Variants in SDCCAG8 observed in about 807,000 individuals in gnomAD.
The protein encoded by SDCCAG8 is serologically defined colon cancer antigen 8.
A neutral mutation model predicts 101.8 loss-of-function variants in SDCCAG8; 74 were observed. That is an observed-to-expected ratio of 0.73 (90% CI 0.60 to 0.88). SDCCAG8 has a LOEUF of 0.88. SDCCAG8 is among the 40% of genes least tolerant of loss of function. SDCCAG8 has a pLI of 0.00. For synonymous variants in SDCCAG8, 281 were observed against 292.9 expected, an observed-to-expected ratio of 0.96 and a Z score of 0.41; for missense variants, 787 against 822.6, an observed-to-expected ratio of 0.96 and a Z score of 0.53.
At chr1:243,324,884 C>G (rs10158537) in intron 9 of SDCCAG8, among the ~76,000 whole-genome samples, 41,996 of 152,070 alleles carry the variant, frequency 0.28, 5,940 homozygotes, top group South Asian at 0.47. Flanking sequence ...CAGAACATGA[C>G]CTGCAGTTGG....
At chr1:243,370,586 G>T (rs1247331969) in intron 12 of SDCCAG8, among the ~76,000 whole-genome samples, 1 of 152,034 alleles carries the variant, frequency 6.6e-6, no homozygotes, top group Non-Finnish European at 1.5e-5. Context: ...CCGTATTGTC[G>T]CAATGTAATA....
Position 243,312,722 on chromosome 1 carries a change from A to T in SDCCAG8, c.930-4033A>T, listed in dbSNP as rs529634059. Among the ~76,000 whole-genome samples the T allele has an allele frequency of 6.8e-4, 103 of 150,920 alleles. 2 individuals carry two copies. The East Asian group carries it at 0.016, about 23-fold the overall frequency. The stretch of plus-strand genomic sequence containing the variant: ...ACCTGTCTCCAAAAAAAAAAAAAAA[A>T]AAATAATGGCTTGTACAGTTGACAA... On this transcript the variant is annotated intron_variant, in intron 8 of 17. Transcript: ENST00000366541.
chr1:243,489,511 C>G (rs999586812), intron 17 of SDCCAG8, among the ~76,000 whole-genome samples: 5 of 152,082 alleles, frequency 3.3e-5, no homozygotes, highest in Non-Finnish European at 7.3e-5. Flanking sequence ...CTCTGAAGGT[C>G]GTGTATGGTT....
At chr1:243,263,173 T>C (rs2067319237) in intron 1 of SDCCAG8, among the ~76,000 whole-genome samples, 1 of 152,256 alleles carries the variant, frequency 6.6e-6, no homozygotes, top group Admixed American at 6.5e-5. Context: ...CTGAAAACTC[T>C]TGTTTTATTG....
Position 243,489,041 on chromosome 1 carries a change from G to A in SDCCAG8, c.2013G>A (p.Gln671=), listed in dbSNP as rs1665723637. Residue 671 remains glutamine (Q), a synonymous_variant, in exon 17 of 18, where the codon CAG becomes CAA. Transcript: ENST00000366541. ...TAAGGCAGCTGGATAAGCACAGCCA[G>A]GCCACAGCCCAGCAGCTGGTGCAGC... The part of the protein sequence containing the change: ...QRLRQLDKHS[Q]ATAQQLVQLL... 6.2e-7 allele frequency: 1 copy of A among 1,613,462 alleles called. No individual in the cohort carries two copies. The highest frequency in any genetic ancestry group is 8.5e-7 in the Non-Finnish European group (1 of 1,180,034).
intron 5 of SDCCAG8, among the ~76,000 whole-genome samples, chr1:243,292,585 T>C (rs2070382052): frequency 6.6e-6 from 1 of 152,158 alleles, no homozygotes; most frequent in Non-Finnish European, 1.5e-5. Flanking sequence ...CCTCAGCTAC[T>C]CTATGTGACT....
At chr1:243,353,522 A>AAAAAAAAAAAAAAAAC (rs1351197301) in intron 12 of SDCCAG8, among the ~76,000 whole-genome samples, 1 of 142,164 alleles carries the variant, frequency 7.0e-6, no homozygotes, top group Non-Finnish European at 1.5e-5. Context: ...AAAAAAAAAA[A>AAAAAAAAAAAAAAAAC]AGAATGTTGC....
In SDCCAG8 at chr1:243,416,246, T is replaced by C. The variant is rs1034536259; in HGVS notation, c.1744+417T>C. On this transcript the variant is annotated intron_variant, in intron 14 of 17. Transcript: ENST00000366541. This position sits in a 1 kb window ranked among gnomAD's most constrained non-coding sequence, Gnocchi z 4.3. Reference sequence around the variant, plus strand: ...ACAGTTAGAGTCTCCTGAATAGCATTGAACAGTTCCCACAGTACACACATT... The same window carrying C: ...ACAGTTAGAGTCTCCTGAATAGCATCGAACAGTTCCCACAGTACACACATT... 1.3e-5 allele frequency among the ~76,000 whole-genome samples: 2 copies of C among 152,184 alleles called. No homozygotes were observed. The highest frequency in any genetic ancestry group is 4.8e-5 in the African/African-American group (2 of 41,458).
chr1:243,289,400 C>A (rs779474544), intron 5 of SDCCAG8, among the ~76,000 whole-genome samples: 2 of 152,190 alleles, frequency 1.3e-5, no homozygotes, highest in Non-Finnish European at 2.9e-5. Context: ...AAATGTTAAT[C>A]TCTTTTAGCA....
At chr1:243,305,340 A>G (rs1472477795) in intron 7 of SDCCAG8, 2 of 152,040 alleles carry the variant, frequency 1.3e-5, no homozygotes, top group South Asian at 2.1e-4. Context: ...AAGAATCACT[A>G]ACTGCTCTTA....
In SDCCAG8 at chr1:243,458,410, T is replaced by G. The variant is rs1658279028; in HGVS notation, c.1986-30604T>G. ...TAATATATAATTATGTAAGATATAATAAATATATAATAATCGTCATTGTAA... is the reference window on the plus strand; with the variant it reads ...TAATATATAATTATGTAAGATATAAGAAATATATAATAATCGTCATTGTAA... On this transcript the variant is annotated intron_variant, in intron 16 of 17. Transcript: ENST00000366541. This position sits in a 1 kb window ranked among gnomAD's most constrained non-coding sequence, Gnocchi z 4.5. Among the ~76,000 whole-genome samples, 1 of 151,618 alleles carries G rather than the reference T, an allele frequency of 6.6e-6. No individual in the cohort carries two copies. The highest frequency in any genetic ancestry group is 6.6e-5 in the Admixed American group (1 of 15,210).
chr1:243,332,488 G>T (rs1463988212), intron 10 of SDCCAG8, among the ~76,000 whole-genome samples: 2 of 151,584 alleles, frequency 1.3e-5, no homozygotes, highest in African/African-American at 4.9e-5. Context: ...CCCTCTGGAG[G>T]TGATTATCAT....
intron 13 of SDCCAG8, among the ~76,000 whole-genome samples, chr1:243,390,331 T>C (rs898634735): frequency 7.2e-5 from 11 of 152,240 alleles, no homozygotes; most frequent in Non-Finnish European, 1.3e-4. Flanking sequence ...GCCTTGGTGC[T>C]GTTTTAAATT....
At chr1:243,289,155 A>G (rs2149289803) in intron 5 of SDCCAG8, among the ~76,000 whole-genome samples, 1 of 152,322 alleles carries the variant, frequency 6.6e-6, no homozygotes, top group Admixed American at 6.5e-5. Flanking sequence ...AGGTCCCACA[A>G]CAGGCCATCT....
intron 16 of SDCCAG8, among the ~76,000 whole-genome samples, chr1:243,427,676 T>C (rs965741777): frequency 6.6e-6 from 1 of 152,256 alleles, no homozygotes; most frequent in Admixed American, 6.5e-5. Context: ...AGTAAGCATA[T>C]TAGCCTGGGG....
rs758550495 is a variant in SDCCAG8, at chr1:243,344,311, G to A, written c.1453G>A (p.Asp485Asn). 1.2e-6 allele frequency: 2 copies of A among 1,612,880 alleles called. No homozygotes were observed. The highest frequency in any genetic ancestry group is 2.2e-5 in the East Asian group (1 of 44,842). Residue 485 changes from aspartate (D) to asparagine (N), a missense_variant, in exon 12 of 18, where the codon GAT becomes AAT. Asp to Asn is a conservative substitution (Grantham distance 23, BLOSUM62 1). Coordinates refer to ENST00000366541, the MANE Select transcript of SDCCAG8 (RefSeq NM_006642.5). ...AGAGTTCAGAGCAAAAACTAACAGGGATCTTGAAATTAAAGATCAGGTAAG... is the reference window on the plus strand; with the variant it reads ...AGAGTTCAGAGCAAAAACTAACAGGAATCTTGAAATTAAAGATCAGGTAAG... Reference protein sequence around the residue: ...HREFRAKTNRDLEIKDQEIEK... With the variant: ...HREFRAKTNRNLEIKDQEIEK...
intron 16 of SDCCAG8, among the ~76,000 whole-genome samples, chr1:243,487,650 CG>C (rs1396426907): frequency 1.3e-5 from 2 of 152,118 alleles, no homozygotes; most frequent in African/African-American, 4.8e-5. Flanking sequence ...CCAGAACCTG[CG>C]GGCAGCAGGA....
chr1:243,477,031 C>G lies in SDCCAG8; in HGVS notation c.1986-11983C>G, dbSNP rs907350487. On this transcript the variant is annotated intron_variant, in intron 16 of 17. Transcript: ENST00000366541. The stretch of plus-strand genomic sequence containing the variant: ...ACACACACACACACACACACACACA[C>G]ACAGAGAGAAAGGCAGGAGAGCGTA... Among the ~76,000 whole-genome samples, 45 of 146,214 alleles carry G rather than the reference C, an allele frequency of 3.1e-4. No individual in the cohort carries two copies. The East Asian group carries it at 5.3e-3, about 17-fold the overall frequency.
intron 16 of SDCCAG8, among the ~76,000 whole-genome samples, chr1:243,442,317 G>A (rs1253295363): frequency 3.3e-5 from 5 of 152,198 alleles, no homozygotes; most frequent in Non-Finnish European, 5.9e-5. Context: ...CGTCTGGGTA[G>A]CAAGATGGCT....
Sources: allele counts gnomAD v4.1 joint callset (sites outside exome capture counted in the v4.1 genomes callset), GRCh38; gene constraint gnomAD v4.1.1; non-coding constraint Gnocchi (gnomAD v3.1); transcripts MANE v1.5; gene names NCBI Gene and HGNC (gene_info 2026-07-23, HGNC 2026-07-21).